Variants in ADAM2 observed in about 807,000 individuals in gnomAD.
The protein encoded by ADAM2 is disintegrin and metalloproteinase domain-containing protein 2.
In ADAM2, 101 loss-of-function variants were observed where a neutral mutation model predicts 99.3. The ratio of observed to expected loss-of-function variants is 1.02; its 90% CI spans 0.87 to 1.20. The LOEUF (loss-of-function observed/expected upper bound fraction) is 1.20, where lower values mean the gene tolerates loss of function less well. Ranked by LOEUF, ADAM2 falls within the 50% of genes most tolerant of loss-of-function variation. The pLI, the probability that ADAM2 is intolerant of heterozygous loss-of-function variation, is 0.00. For synonymous variants in ADAM2, 323 were observed against 287.6 expected (o/e 1.12, Z -1.25); for missense variants, 948 against 878.7 (o/e 1.08, Z -1.00).
chr8:39,823,889 G>A (rs887396042), intron 4 of ADAM2, among the ~76,000 whole-genome samples: 15 of 152,056 alleles, frequency 9.9e-5, no homozygotes, highest in African/African-American at 3.6e-4. Flanking sequence ...CTCTAAAAAT[G>A]CTTTACTTTC....
intron 14 of ADAM2, among the ~76,000 whole-genome samples, chr8:39,763,633 GCTCCAATAAAGGGAGTTTCCTCAATGCC>G (rs1802457173): frequency 6.6e-6 from 1 of 151,978 alleles, no homozygotes; most frequent in African/African-American, 2.4e-5. Flanking sequence ...ATCATGTTAG[GCTCCAATAAAGGGAGTTTCCTCAATGCC>G]AACCGACGCT....
intron 3 of ADAM2, among the ~76,000 whole-genome samples, 195 bp from the exon 4 acceptor site, chr8:39,825,092 C>T (rs543056086): frequency 2.6e-5 from 4 of 152,270 alleles, no homozygotes; most frequent in Middle Eastern, 3.4e-3. Context: ...TTACTCTGTC[C>T]TCCTAGCTGT....
At chr8:39,772,761 A>G (rs754672982) in intron 11 of ADAM2, among the ~76,000 whole-genome samples, 10 of 152,064 alleles carry the variant, frequency 6.6e-5, no homozygotes, top group Admixed American at 6.6e-5. Context: ...TAGTAACAAT[A>G]CAACACAAAA....
rs543588527 is a variant in ADAM2, at chr8:39,763,899, T to C, written c.1508-2618A>G. On this transcript the variant is annotated intron_variant, in intron 14 of 20. Transcript: ENST00000265708. ...AGGCAAACAAGAGCTCACTGGAAAT[T>C]TTAAAGGAATTCCTGGAGAGTTAGA... Among the ~76,000 whole-genome samples the C allele has an allele frequency of 3.9e-5, 6 of 152,284 alleles. No homozygotes were observed. The East Asian group carries it at 9.7e-4, about 25-fold the overall frequency.
chr8:39,773,947 A>G (rs1445310257), intron 11 of ADAM2, among the ~76,000 whole-genome samples: 1 of 151,408 alleles, frequency 6.6e-6, no homozygotes, highest in African/African-American at 2.4e-5. Context: ...ATATTAGGGG[A>G]AAAAATCCAG....
At chr8:39,800,605 T>C (rs1804164595) in intron 7 of ADAM2, among the ~76,000 whole-genome samples, 2 of 152,224 alleles carry the variant, frequency 1.3e-5, no homozygotes, top group African/African-American at 2.4e-5. Flanking sequence ...TCCTGGATAA[T>C]ATACTGAAGT....
chr8:39,749,025 C>A (rs1014753864), intron 18 of ADAM2, among the ~76,000 whole-genome samples: 2 of 152,106 alleles, frequency 1.3e-5, no homozygotes, highest in Non-Finnish European at 2.9e-5. Context: ...ATCTTCTCAT[C>A]TATGCAATTA....
chr8:39,756,863 A>C (rs1055148048), intron 15 of ADAM2, among the ~76,000 whole-genome samples: 1 of 152,232 alleles, frequency 6.6e-6, no homozygotes, highest in Non-Finnish European at 1.5e-5. Context: ...TGATCATGAA[A>C]GATTAAGAAA....
rs540117578 is a variant in ADAM2 at position 39,783,357 on chromosome 8, T to G, written c.891+3617A>C. Among the ~76,000 whole-genome samples the G allele has an allele frequency of 5.9e-5, 9 of 152,346 alleles. No homozygotes were observed. In the South Asian group the frequency reaches 1.9e-3, roughly 32 times the overall value. On this transcript the variant is annotated intron_variant, in intron 10 of 20. Transcript: ENST00000265708. ...ACATTGCTGAGGTAGGTTGTTTTTT[T>G]CCATTCTTAAATATGATTATGGACC...
chr8:39,764,997 T>C lies in ADAM2; in HGVS notation c.1507+1851A>G, dbSNP rs534833701. ...AAGATCACACCACTGCACTCCAGCC[T>C]GAGCGACAGAGCAAGACTCCGGCTC... On this transcript the variant is annotated intron_variant, in intron 14 of 20. Coordinates refer to ENST00000265708, the MANE Select transcript of ADAM2 (RefSeq NM_001464.5). Among the ~76,000 whole-genome samples, 6 of 151,658 alleles carry C rather than the reference T, an allele frequency of 4.0e-5. No individual in the cohort carries two copies. The South Asian group carries it at 1.3e-3, about 32-fold the overall frequency.
chr8:39,774,545 G>A (rs1001839430), intron 11 of ADAM2: 2 of 151,596 alleles, frequency 1.3e-5, no homozygotes, highest in African/African-American at 2.4e-5. Flanking sequence ...TCATAAACAT[G>A]GTGCAATTAG....
intron 7 of ADAM2, among the ~76,000 whole-genome samples, chr8:39,792,801 T>C (rs1803775419): frequency 6.6e-6 from 1 of 152,120 alleles, no homozygotes; most frequent in African/African-American, 2.4e-5. Context: ...AAAAGCACTA[T>C]TTTTAAAACA....
chr8:39,809,922 A>G (rs1804623086), intron 6 of ADAM2, among the ~76,000 whole-genome samples: 1 of 152,226 alleles, frequency 6.6e-6, no homozygotes, highest in Non-Finnish European at 1.5e-5. Context: ...GATCAAATTC[A>G]CACATAACAA....
At chr8:39,801,470 C>CTT (rs1297972596) in intron 7 of ADAM2, among the ~76,000 whole-genome samples, 70 of 152,276 alleles carry the variant, frequency 4.6e-4, no homozygotes, top group African/African-American at 1.5e-3. Flanking sequence ...GTCTGACAAC[C>CTT]CCTCTTGGAA....
At chr8:39,837,620 C>T (rs767779324) in intron 1 of ADAM2, among the ~76,000 whole-genome samples, 5 of 151,966 alleles carry the variant, frequency 3.3e-5, no homozygotes, top group Non-Finnish European at 5.9e-5. Context: ...CTCCTGACCT[C>T]GTGATACGCC....
At chr8:39,795,237 C>A (rs1207340462) in intron 7 of ADAM2, among the ~76,000 whole-genome samples, 1 of 151,956 alleles carries the variant, frequency 6.6e-6, no homozygotes, top group Non-Finnish European at 1.5e-5. Context: ...TCTGAATGAC[C>A]CCTCCTCTTG....
intron 7 of ADAM2, among the ~76,000 whole-genome samples, chr8:39,793,414 C>A (rs1803800908): frequency 6.6e-6 from 1 of 152,058 alleles, no homozygotes; most frequent in East Asian, 1.9e-4. Flanking sequence ...AAAGGGACAC[C>A]TTGGCTACTT....
At chr8:39,749,212 T>G in intron 18 of ADAM2, 100 bp downstream of exon 18, 1 of 1,068,198 alleles carries the variant, frequency 9.4e-7, no homozygotes, top group Non-Finnish European at 1.4e-6. Flanking sequence ...TGTCTAAACA[T>G]AGTCTAGATA....
At chr8:39,792,986 T>A (rs1166670470) in intron 7 of ADAM2, among the ~76,000 whole-genome samples, 1 of 152,064 alleles carries the variant, frequency 6.6e-6, no homozygotes, top group Non-Finnish European at 1.5e-5. Flanking sequence ...GTCAGTTATT[T>A]TGAGACCTCT....
Sources: allele counts gnomAD v4.1 joint callset (sites outside exome capture counted in the v4.1 genomes callset), GRCh38; gene constraint gnomAD v4.1.1; transcripts MANE v1.5; gene names NCBI Gene and HGNC (gene_info 2026-07-23, HGNC 2026-07-21).